Variants in MYO10 observed in about 807,000 individuals in gnomAD.
MYO10 encodes unconventional myosin-X.
Under a neutral mutation model 257.3 loss-of-function variants are expected in MYO10, and 133 were observed. That is an observed-to-expected ratio of 0.52 (90% CI 0.45 to 0.60). The LOEUF is 0.60. MYO10 is among the 20% of genes least tolerant of loss of function. The probability of loss-of-function intolerance (pLI) is 0.00; values close to 1 mark genes in which losing one functional copy is unlikely to be tolerated. For missense variants in MYO10, 2,399 were observed against 2,635.7 expected (o/e 0.91, Z 1.97); for synonymous variants, 1,104 against 1,028.6 (o/e 1.07, Z -1.40).
At chr5:16,704,516 A>G in intron 22 of MYO10, 63 bp downstream of exon 22, 1 of 1,406,444 alleles carries the variant, frequency 7.1e-7, no homozygotes, top group Non-Finnish European at 9.9e-7. Flanking sequence ...ACTGGAACAC[A>G]CTGGGAAGGA....
chr5:16,921,309 A>G (rs555653229), intron 1 of MYO10, among the ~76,000 whole-genome samples: 7 of 152,166 alleles, frequency 4.6e-5, no homozygotes, highest in Non-Finnish European at 7.4e-5. Context: ...TACTCAGTAT[A>G]ATAAATATTT....
intron 28 of MYO10, among the ~76,000 whole-genome samples, chr5:16,687,128 C>G (rs1328101860): frequency 6.6e-6 from 1 of 151,792 alleles, no homozygotes; most frequent in Non-Finnish European, 1.5e-5. Context: ...TTGAGACCAG[C>G]CTGGGAAATT....
intron 28 of MYO10, 46 bp downstream of exon 28, chr5:16,689,778 G>A: frequency 4.1e-6 from 6 of 1,460,400 alleles, no homozygotes; most frequent in Non-Finnish European, 5.8e-6. Flanking sequence ...ACCTGTGCAT[G>A]AGGGAGCAGG....
intron 1 of MYO10, among the ~76,000 whole-genome samples, chr5:16,884,282 C>A (rs1744836133): frequency 6.6e-6 from 1 of 152,018 alleles, no homozygotes; most frequent in Non-Finnish European, 1.5e-5. Flanking sequence ...GTGGTCTCAG[C>A]TACTTGGGAG....
chr5:16,718,233 C>T (rs1470352963), intron 19 of MYO10, among the ~76,000 whole-genome samples: 1 of 152,220 alleles, frequency 6.6e-6, no homozygotes, highest in African/African-American at 2.4e-5. Flanking sequence ...CTGAGCCTCC[C>T]ACCCACTCCA....
chr5:16,710,852 A>G, intron 21 of MYO10, 56 bp downstream of exon 21: 2 of 1,458,852 alleles, frequency 1.4e-6, no homozygotes, highest in Non-Finnish European at 1.9e-6. Context: ...CCCTGTGAGC[A>G]TCACCCCGAG....
In MYO10 at chr5:16,799,393, A is replaced by G. The variant is rs535505580; in HGVS notation, c.280-4560T>C. ...AATAGTTTTTAAATGTTTCAGAATGACAATGTAGTAGCTGTGGCAACTAGA... is the reference window on the plus strand; with the variant it reads ...AATAGTTTTTAAATGTTTCAGAATGGCAATGTAGTAGCTGTGGCAACTAGA... On this transcript the variant is annotated intron_variant, in intron 3 of 40. Transcript: ENST00000513610. 1.1e-4 allele frequency among the ~76,000 whole-genome samples: 16 copies of G among 152,324 alleles called. No individual in the cohort carries two copies. In the South Asian group the frequency reaches 2.1e-3, roughly 20 times the overall value.
intron 26 of MYO10, among the ~76,000 whole-genome samples, chr5:16,697,625 G>C (rs964668154): frequency 2.0e-5 from 3 of 152,118 alleles, no homozygotes; most frequent in African/African-American, 7.2e-5. Context: ...TTGAACCCCG[G>C]GGGTGGAGGC....
intron 3 of MYO10, among the ~76,000 whole-genome samples, chr5:16,804,120 A>T (rs974084271): frequency 1.3e-5 from 2 of 152,168 alleles, no homozygotes; most frequent in Non-Finnish European, 2.9e-5. Context: ...TGCCTTCTCC[A>T]TCACCCATCC....
chr5:16,744,469 G>A (rs1740117058), intron 19 of MYO10, among the ~76,000 whole-genome samples: 3 of 152,140 alleles, frequency 2.0e-5, no homozygotes, highest in Non-Finnish European at 2.9e-5. Context: ...CACCTGGGTG[G>A]CTGTGCGATA....
intron 2 of MYO10, among the ~76,000 whole-genome samples, chr5:16,865,769 C>A (rs1744226845): frequency 2.0e-5 from 3 of 151,324 alleles, no homozygotes; most frequent in South Asian, 4.2e-4. Flanking sequence ...CAAGATCGCA[C>A]CACTACACTC....
At chr5:16,913,335 G>C (rs1321511471) in intron 1 of MYO10, among the ~76,000 whole-genome samples, 1 of 152,168 alleles carries the variant, frequency 6.6e-6, no homozygotes, top group Non-Finnish European at 1.5e-5. Context: ...GAGATGCATA[G>C]TTGGTAATGC....
rs888240250 is a variant in MYO10 at position 16,766,324 on chromosome 5, G to A, written c.1061-126C>T. The A allele has an allele frequency of 1.3e-5, 9 of 694,866 alleles. No individual in the cohort carries two copies. In the African/African-American group the frequency reaches 1.6e-4, roughly 12 times the overall value. 43.0% of individuals were successfully genotyped at this position (694,866 alleles called of 1,614,324 possible). A position where few individuals can be genotyped will look rare whatever the true frequency, so the allele number is the denominator to read the frequency against. ...CAGAGTTTAGAGATTGCATGTTATT[G>A]CTAAGTTACTCATTCCCTTAGTGAA... is the stretch of plus-strand genomic sequence containing the variant. On this transcript the variant is annotated intron_variant, in intron 10 of 40. Coordinates refer to ENST00000513610, the MANE Select transcript of MYO10 (RefSeq NM_012334.3).
At chr5:16,697,839 A>C (rs925927804) in intron 26 of MYO10, among the ~76,000 whole-genome samples, 2 of 152,208 alleles carry the variant, frequency 1.3e-5, no homozygotes, top group African/African-American at 4.8e-5. Flanking sequence ...AAGCAGGAAG[A>C]GGAGACCTGG....
At chr5:16,767,944 C>G (rs372097250) in intron 10 of MYO10, among the ~76,000 whole-genome samples, 7 of 152,144 alleles carry the variant, frequency 4.6e-5, no homozygotes, top group Admixed American at 2.6e-4. Context: ...TCCCAAAGTG[C>G]TAGGATTACA....
chr5:16,870,848 C>T (rs1053374813), intron 2 of MYO10, among the ~76,000 whole-genome samples: 9 of 152,246 alleles, frequency 5.9e-5, no homozygotes, highest in South Asian at 2.1e-4. Flanking sequence ...GCCGAGATCG[C>T]GCCATTGCAC....
rs75052050 is a variant in MYO10, at chr5:16,680,532, G to A, written c.4385-428C>T. ...AGAAGACAGCACTTGGCCTGGCAGT[G>A]TGTGAGTTCAGAGGCAAGCTGTCCG... On this transcript the variant is annotated intron_variant, in intron 32 of 40. Coordinates refer to ENST00000513610, the MANE Select transcript of MYO10 (RefSeq NM_012334.3). 2.7e-3 allele frequency among the ~76,000 whole-genome samples: 410 copies of A among 152,214 alleles called. 3 individuals are homozygous for A. Among genetic ancestry groups the A allele is most frequent in the African/African-American group, 9.2e-3 (382 of 41,526 alleles).
chr5:16,927,776 T>A (rs1746176988), intron 1 of MYO10, among the ~76,000 whole-genome samples: 1 of 152,216 alleles, frequency 6.6e-6, no homozygotes, highest in African/African-American at 2.4e-5. Flanking sequence ...AGATGTGTTG[T>A]GGCTTTGTCC....
chr5:16,874,718 T>C (rs962168939), intron 2 of MYO10, among the ~76,000 whole-genome samples: 1 of 152,194 alleles, frequency 6.6e-6, no homozygotes, highest in South Asian at 2.1e-4. Context: ...AGTTCAAAAC[T>C]TCCCCACATT....
Sources: allele counts gnomAD v4.1 joint callset (sites outside exome capture counted in the v4.1 genomes callset), GRCh38; gene constraint gnomAD v4.1.1; transcripts MANE v1.5; gene names NCBI Gene and HGNC (gene_info 2026-07-23, HGNC 2026-07-21).